TMEM244: variants seen among roughly 807,000 people sequenced by gnomAD.
The protein encoded by TMEM244 is putative transmembrane protein 244.
In TMEM244, 13 loss-of-function variants were observed where a neutral mutation model predicts 15.8. That is an observed-to-expected ratio of 0.82 (90% CI 0.53 to 1.30). The LOEUF (loss-of-function observed/expected upper bound fraction) is 1.30, where lower values mean the gene tolerates loss of function less well. Among genes scored for constraint, TMEM244 ranks in the 50% most tolerant of loss-of-function variants. The probability of loss-of-function intolerance (pLI) is 0.00; values close to 1 mark genes in which losing one functional copy is unlikely to be tolerated. For missense variants in TMEM244, 161 were observed against 144.9 expected (o/e 1.11, Z -0.57); for synonymous variants, 45 against 48.7 (o/e 0.92, Z 0.32).
At chr6:129,834,112 A>G (rs932379119) in intron 3 of TMEM244, among the ~76,000 whole-genome samples, 1 of 152,256 alleles carries the variant, frequency 6.6e-6, no homozygotes, top group African/African-American at 2.4e-5. Context: ...ACTGATAACC[A>G]TGGATGAAAG....
rs79274269 is a variant in TMEM244, at chr6:129,842,569, A to G, written c.193+961T>C. On this transcript the variant is annotated intron_variant, in intron 3 of 4. Coordinates refer to ENST00000368143, the MANE Select transcript of TMEM244 (RefSeq NM_001010876.2). ...TCTATATTTGCATATTTGTACCCCA[A>G]AAATATTCTCCAGTGGTTTTTCTAA... Among the ~76,000 whole-genome samples the G allele has an allele frequency of 3.5e-4, 48 of 137,118 alleles. No homozygotes were observed. In the East Asian group the frequency reaches 6.8e-3, roughly 19 times the overall value. The allele number at this position is 137,118 out of a possible 152,430, so 90.0% of individuals were successfully genotyped here. A position where few individuals can be genotyped will look rare whatever the true frequency, so the allele number is the denominator to read the frequency against.
intron 3 of TMEM244, among the ~76,000 whole-genome samples, chr6:129,839,045 T>C (rs1396925107): frequency 1.3e-5 from 2 of 152,222 alleles, no homozygotes; most frequent in East Asian, 1.9e-4. Context: ...TTCCAATCAA[T>C]AGAAAAGAGA....
intron 2 of TMEM244, 127 bp downstream of exon 2, chr6:129,845,640 A>G (rs909463440): frequency 1.3e-6 from 1 of 756,130 alleles, no homozygotes; most frequent in African/African-American, 1.8e-5. Context: ...AAATAAAAGT[A>G]AGAAACTATG....
intron 3 of TMEM244, among the ~76,000 whole-genome samples, chr6:129,834,340 C>T (rs1028037471): frequency 6.6e-6 from 1 of 152,188 alleles, no homozygotes; most frequent in African/African-American, 2.4e-5. Flanking sequence ...ATCCATCAGA[C>T]TTTAAAGTGA....
chr6:129,848,458 A>G (rs1047153320), intron 1 of TMEM244, among the ~76,000 whole-genome samples: 4 of 152,196 alleles, frequency 2.6e-5, no homozygotes, highest in African/African-American at 9.6e-5. Flanking sequence ...TACTGCCTCA[A>G]TAAAAGAAAA....
intron 1 of TMEM244, among the ~76,000 whole-genome samples, chr6:129,860,129 GTGTGTGTGTGTGTGTGTGTC>G (rs1371828572): frequency 6.9e-6 from 1 of 145,958 alleles, no homozygotes; most frequent in East Asian, 2.0e-4. Flanking sequence ...GTGTGTGTGT[GTGTGTGTGTGTGTGTGTGTC>G]TGTCTGTCTG....
At chr6:129,856,939 A>T (rs1400494669) in intron 1 of TMEM244, among the ~76,000 whole-genome samples, 1 of 151,984 alleles carries the variant, frequency 6.6e-6, no homozygotes, top group Non-Finnish European at 1.5e-5. Flanking sequence ...TTTTTTAATC[A>T]TATAGTGTTA....
At chr6:129,836,491 TA>T (rs1281734675) in intron 3 of TMEM244, among the ~76,000 whole-genome samples, 1 of 152,100 alleles carries the variant, frequency 6.6e-6, no homozygotes. Context: ...CTGAAAATTT[TA>T]AAAAACAGAG....
rs1215847318 is a variant in TMEM244, at chr6:129,831,333, T to C, written c.373A>G (p.Lys125Glu). The C allele has an allele frequency of 6.4e-7, 1 of 1,560,034 alleles. No individual in the cohort carries two copies. The highest frequency in any genetic ancestry group is 1.7e-5 in the Admixed American group (1 of 59,596). ...CATTAGAGAATCTAAACAAGCAATT[T>C]TGATATACCTAAAGCAGCCCACCAA... The part of the protein sequence containing the change: ...SHWWAALGIS[K>E]LLV The change falls in exon 5 of 5, where the codon AAA becomes GAA. Residue 125 changes from lysine (K) to glutamate (E), a missense_variant. Transcript: ENST00000368143.
intron 1 of TMEM244, among the ~76,000 whole-genome samples, chr6:129,860,637 T>G (rs1233146286): frequency 6.6e-6 from 1 of 152,160 alleles, no homozygotes; most frequent in Non-Finnish European, 1.5e-5. Flanking sequence ...TTCCTTGTTT[T>G]CGATTGTTTG....
chr6:129,853,678 G>T (rs533635482), intron 1 of TMEM244, among the ~76,000 whole-genome samples: 12 of 152,206 alleles, frequency 7.9e-5, no homozygotes, highest in African/African-American at 2.9e-4. Flanking sequence ...TTAATAAGTT[G>T]AAATTAAGAA....
intron 1 of TMEM244, among the ~76,000 whole-genome samples, chr6:129,860,422 G>C (rs1776790266): frequency 6.6e-6 from 1 of 152,036 alleles, no homozygotes; most frequent in African/African-American, 2.4e-5. Context: ...GATGACATAT[G>C]TGGTGATGAT....
rs560379443 is a variant in TMEM244 at position 129,856,043 on chromosome 6, C to T, written c.33+5113G>A. Reference sequence around the variant, plus strand: ...TTCCATAAAGAGATTTCCTTTCTTACCCTTGAACTTACCTATTAATTTATG... The same window carrying T: ...TTCCATAAAGAGATTTCCTTTCTTATCCTTGAACTTACCTATTAATTTATG... On this transcript the variant is annotated intron_variant, in intron 1 of 4. Transcript: ENST00000368143. 2.0e-5 allele frequency among the ~76,000 whole-genome samples: 3 copies of T among 152,116 alleles called. No individual in the cohort carries two copies. In the East Asian group the frequency reaches 5.8e-4, roughly 29 times the overall value.
chr6:129,855,779 T>A (rs1425255368), intron 1 of TMEM244, among the ~76,000 whole-genome samples: 1 of 152,178 alleles, frequency 6.6e-6, no homozygotes, highest in African/African-American at 2.4e-5. Flanking sequence ...TTATTACTGA[T>A]GGTCAGTTTG....
chr6:129,836,935 C>T (rs1776416928), intron 3 of TMEM244, among the ~76,000 whole-genome samples: 1 of 151,916 alleles, frequency 6.6e-6, no homozygotes, highest in African/African-American at 2.4e-5. Context: ...GTGAAAAGAC[C>T]AAATATACAT....
At chr6:129,847,989 G>GT in intron 1 of TMEM244, among the ~76,000 whole-genome samples, 1 of 151,912 alleles carries the variant, frequency 6.6e-6, no homozygotes, top group East Asian at 1.9e-4. Context: ...GGTCAGGCTG[G>GT]TCTCAAACTC....
intron 1 of TMEM244, among the ~76,000 whole-genome samples, chr6:129,860,104 C>CGTGTGTGTGTGTGT (rs757397083): frequency 1.4e-5 from 2 of 140,710 alleles, no homozygotes; most frequent in East Asian, 2.2e-4. Context: ...CTCTGCAATG[C>CGTGTGTGTGTGTGT]GTGTGTGTGT....
Position 129,831,402 on chromosome 6 carries a change from A to G in TMEM244, c.320-16T>C, listed in dbSNP as rs757685820. The G allele has an allele frequency of 1.3e-6, 2 of 1,544,248 alleles. No homozygotes were observed. The highest frequency in any genetic ancestry group is 2.2e-5 in the South Asian group (2 of 89,346). On this transcript the variant is annotated splice_polypyrimidine_tract_variant and intron_variant, in intron 4 of 4. Coordinates refer to ENST00000368143, the MANE Select transcript of TMEM244 (RefSeq NM_001010876.2). ...TCCAACATAACTGCAATAGAAAAAA[A>G]ATGTTTAATTTCAAAACATGCGTTT...
intron 3 of TMEM244, among the ~76,000 whole-genome samples, chr6:129,840,578 T>C (rs960264751): frequency 6.6e-6 from 1 of 151,942 alleles, no homozygotes; most frequent in Non-Finnish European, 1.5e-5. Context: ...AATAGACAAA[T>C]GGGATCTAAT....
Sources: allele counts gnomAD v4.1 joint callset (sites outside exome capture counted in the v4.1 genomes callset), GRCh38; gene constraint gnomAD v4.1.1; transcripts MANE v1.5; gene names NCBI Gene and HGNC (gene_info 2026-07-23, HGNC 2026-07-21).